Variants in DOCK1 observed in about 807,000 individuals in gnomAD.
DOCK1 encodes the protein dedicator of cytokinesis 1.
Under a neutral mutation model 262.7 loss-of-function variants are expected in DOCK1, and 138 were observed. That is an observed-to-expected ratio of 0.53 (90% CI 0.46 to 0.61). The LOEUF is 0.61. Among genes scored for constraint, DOCK1 ranks in the 20% least tolerant of loss-of-function variants. DOCK1 has a pLI of 0.00. For missense variants in DOCK1, 1,908 were observed against 2,370.7 expected (o/e 0.80, Z 4.05); for synonymous variants, 866 against 867.4 (o/e 1.00, Z 0.03).
chr10:127,006,362 C>A (rs149107561), intron 10 of DOCK1, among the ~76,000 whole-genome samples: 1 of 152,236 alleles, frequency 6.6e-6, no homozygotes, highest in African/African-American at 2.4e-5. Flanking sequence ...CAGCATCACG[C>A]GGTGCCGTCT....
At chr10:127,270,999 A>ATGTG (rs759346728) in intron 29 of DOCK1, among the ~76,000 whole-genome samples, 6 of 133,770 alleles carry the variant, frequency 4.5e-5, no homozygotes, top group Admixed American at 1.5e-4. Flanking sequence ...ATATGTGTGT[A>ATGTG]TGTGTGTGTG....
intron 37 of DOCK1, among the ~76,000 whole-genome samples, chr10:127,383,613 C>T (rs182261726): frequency 9.2e-4 from 140 of 152,352 alleles, no homozygotes; most frequent in African/African-American, 3.2e-3. Flanking sequence ...TGATGTCCAG[C>T]GGGAGGTGCT....
chr10:126,993,229 G>A (rs11016824), intron 6 of DOCK1, among the ~76,000 whole-genome samples: 16,165 of 152,306 alleles, frequency 0.11, 940 homozygotes, highest in African/African-American at 0.15. Flanking sequence ...GTTCCCTGAG[G>A]GAACCCAATT....
chr10:127,137,758 C>T (rs1298332059), intron 27 of DOCK1: 3 of 1,367,128 alleles, frequency 2.2e-6, no homozygotes, highest in African/African-American at 2.9e-5. Flanking sequence ...TTCCCTCGAT[C>T]CTATTCATTT....
intron 30 of DOCK1, among the ~76,000 whole-genome samples, chr10:127,342,596 G>A (rs1227651100): frequency 1.3e-5 from 2 of 152,154 alleles, no homozygotes; most frequent in African/African-American, 4.8e-5. Context: ...TCCTACAAAT[G>A]CTCTTAAATT....
intron 1 of DOCK1, among the ~76,000 whole-genome samples, chr10:126,928,268 G>T (rs1158581604): frequency 6.6e-6 from 1 of 152,206 alleles, no homozygotes; most frequent in Non-Finnish European, 1.5e-5. Flanking sequence ...GGCTCTTGCT[G>T]TGGGCCAGGG....
chr10:126,953,096 TG>T (rs2036450897), intron 1 of DOCK1, among the ~76,000 whole-genome samples: 1 of 150,958 alleles, frequency 6.6e-6, no homozygotes, highest in South Asian at 2.1e-4. Context: ...ATTTTGGTGA[TG>T]GTTGTGAAGT....
rs1175532060 is a variant in DOCK1 at position 127,119,561 on chromosome 10, C to T, written c.2624-5913C>T. On this transcript the variant is annotated intron_variant, in intron 25 of 51. Transcript: ENST00000623213. ...CGTGAACATGTTGAAACCTGTGGGT[C>T]CAGGATTCTTAGATGGTTGGAAAAT... 2.0e-5 allele frequency among the ~76,000 whole-genome samples: 3 copies of T among 152,222 alleles called. No individual in the cohort carries two copies. In the East Asian group the frequency reaches 5.8e-4, roughly 29 times the overall value.
intron 1 of DOCK1, among the ~76,000 whole-genome samples, chr10:126,950,097 C>T (rs1385438139): frequency 1.3e-5 from 2 of 151,808 alleles, no homozygotes; most frequent in Non-Finnish European, 2.9e-5. Flanking sequence ...AGTAGTAATC[C>T]CTCCCTTGTA....
chr10:127,075,074 C>T lies in DOCK1; in HGVS notation c.2445+13298C>T, dbSNP rs756314861. ...GTCCCAGCTACTTGGGAGGCTGAGG[C>T]AGGAGAATCGCCTGAACACAGGAGG... On this transcript the variant is annotated intron_variant, in intron 23 of 51. Coordinates refer to ENST00000623213, the MANE Select transcript of DOCK1 (RefSeq NM_001290223.2). Among the ~76,000 whole-genome samples the T allele has an allele frequency of 1.7e-4, 25 of 144,860 alleles. 1 individual carries two copies. The highest frequency in any genetic ancestry group is 8.1e-4 in the Admixed American group (11 of 13,640).
Position 126,998,337 on chromosome 10 carries a change from T to A in DOCK1, c.767+88T>A, listed in dbSNP as rs141761160. Reference sequence around the variant, plus strand: ...AACCACTGAAGCGTCCCATTCATGCTGAGAGGCCTTGGATGAATGGCTGCT... The same window carrying A: ...AACCACTGAAGCGTCCCATTCATGCAGAGAGGCCTTGGATGAATGGCTGCT... On this transcript the variant is annotated intron_variant, in intron 8 of 51. Transcript: ENST00000623213. 1.5e-4 allele frequency: 234 copies of A among 1,540,826 alleles called. No homozygotes were observed. The African/African-American group carries it at 2.9e-3, about 19-fold the overall frequency.
At chr10:127,155,449 C>T (rs1196951013) in intron 27 of DOCK1, among the ~76,000 whole-genome samples, 1 of 152,156 alleles carries the variant, frequency 6.6e-6, no homozygotes, top group Non-Finnish European at 1.5e-5. Flanking sequence ...TACAGTATGG[C>T]TGTCTCTATC....
At chr10:127,249,413 A>ATG (rs1331407444) in intron 28 of DOCK1, among the ~76,000 whole-genome samples, 15 of 121,726 alleles carry the variant, frequency 1.2e-4, no homozygotes, top group African/African-American at 4.4e-4. Flanking sequence ...ACATATATAT[A>ATG]TACATGTACA....
intron 27 of DOCK1, among the ~76,000 whole-genome samples, chr10:127,226,523 G>T (rs931567442): frequency 6.6e-6 from 1 of 151,898 alleles, no homozygotes; most frequent in Non-Finnish European, 1.5e-5. Flanking sequence ...TGGATGGATC[G>T]CTTGAGGTCA....
rs183895814 is a variant in DOCK1 at position 127,414,964 on chromosome 10, C to T, written c.4429-188C>T. Among the ~76,000 whole-genome samples the T allele has an allele frequency of 3.5e-4, 54 of 152,296 alleles. 1 individual carries two copies. Among genetic ancestry groups the T allele is most frequent in the Non-Finnish European group, 3.7e-4 (25 of 68,040 alleles). ...GATACTTTGATGTATCCTGAGCGAC[C>T]GTTAGGTAGAGCGTGGCTTGTGAGG... On this transcript the variant is annotated intron_variant, in intron 43 of 51. Transcript: ENST00000623213.
intron 1 of DOCK1, among the ~76,000 whole-genome samples, chr10:126,910,943 G>A (rs1333127281): frequency 6.6e-6 from 1 of 152,184 alleles, no homozygotes; most frequent in African/African-American, 2.4e-5. Flanking sequence ...ATATGCCCCA[G>A]ATTAACTGTT....
At chr10:127,229,004 G>A (rs753571210) in intron 27 of DOCK1, among the ~76,000 whole-genome samples, 2 of 152,072 alleles carry the variant, frequency 1.3e-5, no homozygotes, top group Non-Finnish European at 2.9e-5. Flanking sequence ...AGGCTTAGGC[G>A]GGTGGATCAC....
At chr10:127,143,077 T>C (rs1286160782) in intron 27 of DOCK1, among the ~76,000 whole-genome samples, 1 of 152,232 alleles carries the variant, frequency 6.6e-6, no homozygotes, top group African/African-American at 2.4e-5. Context: ...CTCCAGCTTA[T>C]TCTCTGTTTG....
chr10:127,433,438 G>A lies in DOCK1; in HGVS notation c.5060+10G>A. The A allele has an allele frequency of 2.5e-6, 4 of 1,613,862 alleles. No individual in the cohort carries two copies. Among genetic ancestry groups the A allele is most frequent in the Non-Finnish European group, 3.4e-6 (4 of 1,179,844 alleles). ...GACCAGGCTCCGACGGGTGAGTCAA[G>A]CTCACAGCAGGGCTGAGCTGAGCAG... is the stretch of plus-strand genomic sequence containing the variant. On this transcript the variant is annotated intron_variant, in intron 48 of 51. Coordinates refer to ENST00000623213, the MANE Select transcript of DOCK1 (RefSeq NM_001290223.2).
Sources: allele counts gnomAD v4.1 joint callset (sites outside exome capture counted in the v4.1 genomes callset), GRCh38; gene constraint gnomAD v4.1.1; transcripts MANE v1.5; gene names NCBI Gene and HGNC (gene_info 2026-07-23, HGNC 2026-07-21).